LUZP2: variants seen among roughly 807,000 people sequenced by gnomAD.
LUZP2 encodes the protein leucine zipper protein 2.
Under a neutral mutation model 51.6 loss-of-function variants are expected in LUZP2, and 52 were observed. The ratio of observed to expected loss-of-function variants is 1.01; its 90% CI spans 0.81 to 1.27. The LOEUF is 1.27. Ranked by LOEUF, LUZP2 falls within the 50% of genes most tolerant of loss-of-function variation. The probability of loss-of-function intolerance (pLI) is 0.00; values close to 1 mark genes in which losing one functional copy is unlikely to be tolerated. For synonymous variants in LUZP2, 154 were observed against 137.3 expected (o/e 1.12, Z -0.85); for missense variants, 436 against 395.4 (o/e 1.10, Z -0.87).
At chr11:24,799,571 A>G (rs1849637558) in intron 5 of LUZP2, among the ~76,000 whole-genome samples, 1 of 147,710 alleles carries the variant, frequency 6.8e-6, no homozygotes, top group Admixed American at 6.9e-5. Context: ...AGCCTGGGTG[A>G]CAGAGCAAGA....
intron 1 of LUZP2, among the ~76,000 whole-genome samples, chr11:24,653,900 C>T (rs1855718522): frequency 1.3e-5 from 2 of 152,072 alleles, no homozygotes; most frequent in South Asian, 4.1e-4. Context: ...GCAACTTTAA[C>T]AAAATTTATT....
intron 9 of LUZP2, among the ~76,000 whole-genome samples, chr11:25,044,547 C>G (rs1171060720): frequency 6.6e-6 from 1 of 151,912 alleles, no homozygotes; most frequent in Non-Finnish European, 1.5e-5. Flanking sequence ...AACTTTTATA[C>G]TTTTGTGCTC....
At chr11:24,668,684 C>A (rs1323070636) in intron 1 of LUZP2, among the ~76,000 whole-genome samples, 6 of 152,000 alleles carry the variant, frequency 3.9e-5, no homozygotes, top group Admixed American at 3.9e-4. Context: ...TGCTTTTTTC[C>A]TAGAAGGGGA....
chr11:24,588,640 TCCC>T (rs1246561327), intron 1 of LUZP2, among the ~76,000 whole-genome samples: 2,097 of 150,934 alleles, frequency 0.014, 37 homozygotes, highest in South Asian at 0.058. Context: ...AATAATTTTT[TCCC>T]AAAAAGATTA....
At chr11:24,833,214 G>A (rs993898352) in intron 5 of LUZP2, among the ~76,000 whole-genome samples, 3 of 152,134 alleles carry the variant, frequency 2.0e-5, no homozygotes, top group African/African-American at 2.4e-5. Flanking sequence ...GTCTAGAATG[G>A]TAATAACTGA....
intron 6 of LUZP2, among the ~76,000 whole-genome samples, chr11:24,906,720 C>A (rs886489044): frequency 6.6e-6 from 1 of 152,002 alleles, no homozygotes; most frequent in Non-Finnish European, 1.5e-5. Flanking sequence ...GGAGAGGAGA[C>A]AAGAGTCACT....
At chr11:24,980,248 T>A (rs1855988592) in intron 8 of LUZP2, among the ~76,000 whole-genome samples, 1 of 150,780 alleles carries the variant, frequency 6.6e-6, no homozygotes, top group South Asian at 2.1e-4. Context: ...CACAGTTGTC[T>A]TTGCAAGGTA....
At chr11:24,985,987 A>G (rs1000747982) in intron 9 of LUZP2, among the ~76,000 whole-genome samples, 1 of 151,768 alleles carries the variant, frequency 6.6e-6, no homozygotes, top group Non-Finnish European at 1.5e-5. Flanking sequence ...TGTGTAAGCT[A>G]ACAGAGGGAA....
intron 5 of LUZP2, among the ~76,000 whole-genome samples, chr11:24,837,704 T>C (rs1226995760): frequency 2.0e-5 from 3 of 151,694 alleles, no homozygotes; most frequent in Non-Finnish European, 4.4e-5. Context: ...ATCATTACGG[T>C]GTCCTTCTCT....
intron 7 of LUZP2, among the ~76,000 whole-genome samples, chr11:24,928,828 T>C (rs1395002775): frequency 1.3e-5 from 2 of 152,126 alleles, no homozygotes; most frequent in Non-Finnish European, 2.9e-5. Context: ...GAATGTCTTA[T>C]AGAATTCAGC....
chr11:24,834,797 A>C (rs1347446448), intron 5 of LUZP2, among the ~76,000 whole-genome samples: 1 of 152,202 alleles, frequency 6.6e-6, no homozygotes, highest in African/African-American at 2.4e-5. Flanking sequence ...GACTGGTGTG[A>C]GATGGTATCT....
intron 5 of LUZP2, among the ~76,000 whole-genome samples, chr11:24,814,794 C>G (rs1213357009): frequency 6.6e-6 from 1 of 152,062 alleles, no homozygotes; most frequent in Admixed American, 6.6e-5. Flanking sequence ...AGATCCAGAC[C>G]ATCCTAGCTA....
intron 5 of LUZP2, among the ~76,000 whole-genome samples, chr11:24,874,913 C>G (rs1305854978): frequency 6.6e-6 from 1 of 152,062 alleles, no homozygotes; most frequent in African/African-American, 2.4e-5. Flanking sequence ...TAGCTCTTCT[C>G]TCTATTCTAA....
At chr11:24,526,706 C>T (rs1313075862) in intron 1 of LUZP2, among the ~76,000 whole-genome samples, 4 of 151,222 alleles carry the variant, frequency 2.6e-5, no homozygotes, top group Non-Finnish European at 5.9e-5. Flanking sequence ...AGTTTTATTT[C>T]TATTTAAGAA....
rs372247608 is a variant in LUZP2, at chr11:24,755,713, T to C, written c.334-7533T>C. Among the ~76,000 whole-genome samples the C allele has an allele frequency of 2.0e-5, 3 of 152,226 alleles. No homozygotes were observed. The East Asian group carries it at 5.8e-4, about 29-fold the overall frequency. On this transcript the variant is annotated intron_variant, in intron 4 of 11. Coordinates refer to ENST00000336930, the MANE Select transcript of LUZP2 (RefSeq NM_001009909.4). The stretch of plus-strand genomic sequence containing the variant: ...GATTTTAGACACAACTGACTAACAT[T>C]AACATTAAAACTGAGATCTTAAGAC...
chr11:24,779,991 C>T (rs546618605), intron 5 of LUZP2, among the ~76,000 whole-genome samples: 34 of 152,206 alleles, frequency 2.2e-4, no homozygotes, highest in African/African-American at 7.5e-4. Flanking sequence ...TCCCGTAGGG[C>T]CTCTGGAGGG....
Position 24,566,647 on chromosome 11 carries a change from A to C in LUZP2, c.62+69342A>C, listed in dbSNP as rs183302721. 5.0e-3 allele frequency among the ~76,000 whole-genome samples: 712 copies of C among 143,634 alleles called. 5 individuals carry two copies. Among genetic ancestry groups the C allele is most frequent in the African/African-American group, 0.016 (622 of 38,914 alleles). 94.2% of individuals were successfully genotyped at this position (143,634 alleles called of 152,430 possible). A position where few individuals can be genotyped will look rare whatever the true frequency, so the allele number is the denominator to read the frequency against. On this transcript the variant is annotated intron_variant, in intron 1 of 11. Coordinates refer to ENST00000336930, the MANE Select transcript of LUZP2 (RefSeq NM_001009909.4). ...ATACACACACACACACACACACACA[A>C]AAATTAGCTGGGCTTTAGCCTGAGA... is the stretch of plus-strand genomic sequence containing the variant.
chr11:24,619,308 A>T (rs950241035), intron 1 of LUZP2, among the ~76,000 whole-genome samples: 5 of 152,208 alleles, frequency 3.3e-5, no homozygotes, highest in Admixed American at 1.3e-4. Context: ...TACTGGGATT[A>T]TGGGTGTATG....
At position 25,050,084 on chromosome 11, in the gene LUZP2, C is replaced by G. The variant is rs752059651; in HGVS notation, c.812C>G (p.Ser271Ter). 1.3e-6 allele frequency: 2 copies of G among 1,598,706 alleles called. No individual in the cohort carries two copies. Among genetic ancestry groups the G allele is most frequent in the South Asian group, 2.3e-5 (2 of 88,746 alleles). The change falls in exon 10 of 12, where the codon TCA becomes TGA. Residue 271 changes from serine to a stop codon, truncating the protein, a stop_gained. Transcript: ENST00000336930. LOFTEE classifies it high-confidence loss of function. ...AACAATGAGAGCTCTCAAGTTGAGTCAACAAAGGAAGGAAATCCAAGTACC... is the reference window on the plus strand; with the variant it reads ...AACAATGAGAGCTCTCAAGTTGAGTGAACAAAGGAAGGAAATCCAAGTACC... Reference protein sequence around the residue: ...SGNNESSQVESTKEGNPSTTA... With the variant: ...SGNNESSQVE
Sources: gnomAD v4.1 joint callset for allele counts (sites outside exome capture counted in the v4.1 genomes callset) on GRCh38, gnomAD v4.1.1 for gene constraint, MANE v1.5 for transcripts, NCBI Gene and HGNC (gene_info 2026-07-23, HGNC 2026-07-21) for gene names.